Variants in SHKBP1 observed in about 807,000 individuals in gnomAD.
SHKBP1 encodes SH3KBP1 binding protein 1, also known as SH3KBP1-binding protein 1.
Under a neutral mutation model 83.9 loss-of-function variants are expected in SHKBP1, and 71 were observed. The observed-to-expected ratio is 0.85, with a 90% CI of 0.70 to 1.03. SHKBP1 has a LOEUF of 1.03. Among genes scored for constraint, SHKBP1 ranks in the 50% least tolerant of loss-of-function variants. The pLI, the probability that SHKBP1 is intolerant of heterozygous loss-of-function variation, is 0.00. For missense variants in SHKBP1, 824 were observed against 982.4 expected (o/e 0.84, Z 2.16); for synonymous variants, 371 against 398.0 (o/e 0.93, Z 0.81).
rs566920856 is a variant in SHKBP1, at chr19:40,577,097, C to A, written c.86+112C>A. The stretch of plus-strand genomic sequence containing the variant: ...ATCAAGGGTTGCTCCGCCCCCCCCC[C>A]CTTTGGAGGCGCGAGATTCTGGAAA... On this transcript the variant is annotated intron_variant, in intron 1 of 17. Coordinates refer to ENST00000291842, the MANE Select transcript of SHKBP1 (RefSeq NM_138392.4). The A allele has an allele frequency of 3.6e-4, 484 of 1,346,416 alleles. 2 individuals are homozygous for A. In the Middle Eastern group the frequency reaches 4.9e-3, roughly 14 times the overall value. 83.4% of individuals were successfully genotyped at this position (1,346,416 alleles called of 1,614,324 possible).
In SHKBP1 at chr19:40,591,349, C is replaced by G. The variant is rs2081359299; in HGVS notation, c.*142C>G. 1 of 683,578 alleles carries G rather than the reference C, an allele frequency of 1.5e-6. No homozygotes were observed. Among genetic ancestry groups the G allele is most frequent in the Non-Finnish European group, 2.3e-6 (1 of 437,546 alleles). 42.3% of individuals were successfully genotyped at this position (683,578 alleles called of 1,614,324 possible). A position where few individuals can be genotyped will look rare whatever the true frequency, so the allele number is the denominator to read the frequency against. ...TTGTTACTAGGTCCCCACCTTCCCT[C>G]TTTTCTGGAAGCCAAAGTCACCCTC... On this transcript the variant is annotated 3_prime_UTR_variant, in exon 18 of 18. Coordinates refer to ENST00000291842, the MANE Select transcript of SHKBP1 (RefSeq NM_138392.4).
chr19:40,586,358 T>C (rs543553626), intron 12 of SHKBP1, among the ~76,000 whole-genome samples: 2 of 149,852 alleles, frequency 1.3e-5, no homozygotes, highest in African/African-American at 4.9e-5. Flanking sequence ...TGTGTCTCTT[T>C]CTTTCTTTCT....
chr19:40,584,652 C>G (rs994988541), intron 12 of SHKBP1, among the ~76,000 whole-genome samples: 1 of 152,314 alleles, frequency 6.6e-6, no homozygotes, highest in East Asian at 1.9e-4. Context: ...GACAAGGTCT[C>G]GCTCTGCTGC....
At chr19:40,577,340 G>C in intron 2 of SHKBP1, 56 bp downstream of exon 2, 1 of 1,613,772 alleles carries the variant, frequency 6.2e-7, no homozygotes, top group Non-Finnish European at 8.5e-7. Context: ...GGGCGTGGGA[G>C]ACCTAATATC....
At position 40,590,303 on chromosome 19, in the gene SHKBP1, G is replaced by A. The variant is rs1450277322; in HGVS notation, c.1649G>A (p.Cys550Tyr). Residue 550 changes from cysteine (C) to tyrosine (Y), a missense_variant, in exon 16 of 18, where the codon TGC becomes TAC. Physicochemically the swap from Cys to Tyr is radical, Grantham distance 194. Coordinates refer to ENST00000291842, the MANE Select transcript of SHKBP1 (RefSeq NM_138392.4). The surrounding 1 kb of genome is among the most constrained non-coding windows in gnomAD (Gnocchi z 4.6). ...ACGACAGCCTTCACAGTGCTGGAGT[G>A]CGAGGGCTCCCGGCGGCTCGGCTCT... Reference protein sequence around the residue: ...SPTTAFTVLECEGSRRLGSRP... With the variant: ...SPTTAFTVLEYEGSRRLGSRP... 1 of 1,608,932 alleles carries A rather than the reference G, an allele frequency of 6.2e-7. No individual in the cohort carries two copies. The highest frequency in any genetic ancestry group is 8.5e-7 in the Non-Finnish European group (1 of 1,178,280).
intron 6 of SHKBP1, chr19:40,580,107 C>T (rs2081255390): frequency 2.2e-6 from 1 of 444,986 alleles, no homozygotes. Context: ...GCACTAAACT[C>T]AGTCTTCCTC....
Position 40,583,002 on chromosome 19 carries a change from A to G in SHKBP1, c.961-396A>G, listed in dbSNP as rs143027291. On this transcript the variant is annotated intron_variant, in intron 10 of 17. Transcript: ENST00000291842. ...AGAGAGATAAATGGAGATGAATTAG[A>G]GTCATGTCAGAAGTACATAGTGGAG... 3.3e-4 allele frequency among the ~76,000 whole-genome samples: 50 copies of G among 151,528 alleles called. 1 individual carries two copies. The East Asian group carries it at 9.0e-3, about 27-fold the overall frequency.
Position 40,591,309 on chromosome 19 carries a change from T to A in SHKBP1, c.*102T>A. 1.0e-6 allele frequency: 1 copy of A among 1,000,268 alleles called. No individual in the cohort carries two copies. The highest frequency in any genetic ancestry group is 1.4e-6 in the Non-Finnish European group (1 of 698,338). 62.0% of individuals were successfully genotyped at this position (1,000,268 alleles called of 1,614,324 possible). ...CCCGGGTTCAGGGCCAGGGCCTCCT[T>A]GGAATAAATGGTTATTGTTACTAGG... On this transcript the variant is annotated 3_prime_UTR_variant, in exon 18 of 18. Transcript: ENST00000291842.
intron 14 of SHKBP1, 24 bp from the exon 15 acceptor site, chr19:40,589,058 G>C (rs773269754): frequency 6.2e-7 from 1 of 1,607,016 alleles, no homozygotes; most frequent in Non-Finnish European, 8.5e-7. Flanking sequence ...AGCTGGCCCT[G>C]ACCCCTGCCC....
In SHKBP1 at chr19:40,590,268, C is replaced by T. The variant is rs1372898198; in HGVS notation, c.1614C>T (p.Asp538=). ...GQRVCSVRSV[D]GSPTTAFTVL... Reference sequence around the variant, plus strand: ...GGGTGTGCTCCGTGCGCTCCGTGGACGGCTCACCCACGACAGCCTTCACAG... The same window carrying T: ...GGGTGTGCTCCGTGCGCTCCGTGGATGGCTCACCCACGACAGCCTTCACAG... Residue 538 remains aspartate (D), a synonymous_variant, in exon 16 of 18, where the codon GAC becomes GAT. Coordinates refer to ENST00000291842, the MANE Select transcript of SHKBP1 (RefSeq NM_138392.4). This position sits in a 1 kb window ranked among gnomAD's most constrained non-coding sequence, Gnocchi z 4.6. The T allele has an allele frequency of 1.5e-5, 24 of 1,602,562 alleles. No individual in the cohort carries two copies. The highest frequency in any genetic ancestry group is 2.2e-5 in the South Asian group (2 of 89,428).
rs747487078 is a variant in SHKBP1, at chr19:40,580,909, C to T, written c.817C>T (p.Gln273Ter). Residue 273 changes from glutamine to a stop codon, truncating the protein, a stop_gained, in exon 9 of 18, where the codon CAG (glutamine) becomes TAG (stop). Transcript: ENST00000291842. LOFTEE classifies it high-confidence loss of function. Reference sequence around the variant, plus strand: ...CAGCGAGATCCTGCTATGGGCTCTGCAGGCGGAAGGCGGTGGCTCCGAGAT... The same window carrying T: ...CAGCGAGATCCTGCTATGGGCTCTGTAGGCGGAAGGCGGTGGCTCCGAGAT... ...TGSEILLWAL[Q>*]AEGGGSEIGV... 6.3e-6 allele frequency: 10 copies of T among 1,590,892 alleles called. No homozygotes were observed. In the South Asian group the frequency reaches 1.0e-4, roughly 16 times the overall value.
intron 3 of SHKBP1, 24 bp from the exon 4 acceptor site, chr19:40,577,533 A>G (rs368637047): frequency 9.9e-5 from 160 of 1,613,878 alleles, no homozygotes; most frequent in Non-Finnish European, 1.3e-4. Context: ...TACCCCATCC[A>G]TCCTCTGCCC....
intron 10 of SHKBP1, 39 bp downstream of exon 10, chr19:40,582,505 T>A: frequency 6.3e-7 from 1 of 1,576,562 alleles, no homozygotes; most frequent in South Asian, 1.1e-5. Flanking sequence ...CCTTCCCAGT[T>A]TTCCAGACTG....
At chr19:40,588,960 C>T in intron 14 of SHKBP1, 122 bp from the exon 15 acceptor site, 1 of 1,290,734 alleles carries the variant, frequency 7.7e-7, no homozygotes, top group South Asian at 1.3e-5. Context: ...CTGGCCCTGC[C>T]CAACTCTAAC....
chr19:40,588,170 C>G (rs1164102384), intron 13 of SHKBP1, among the ~76,000 whole-genome samples: 2 of 152,196 alleles, frequency 1.3e-5, no homozygotes, highest in African/African-American at 4.8e-5. Flanking sequence ...GTGCCTGGAA[C>G]AGAGTAAATG....
In SHKBP1 at chr19:40,580,676, C is replaced by T. The variant is rs377259661; in HGVS notation, c.653+20C>T. The T allele has an allele frequency of 6.8e-6, 11 of 1,613,974 alleles. No individual in the cohort carries two copies. Among genetic ancestry groups the T allele is most frequent in the Non-Finnish European group, 9.3e-6 (11 of 1,179,938 alleles). On this transcript the variant is annotated intron_variant, in intron 8 of 17. Coordinates refer to ENST00000291842, the MANE Select transcript of SHKBP1 (RefSeq NM_138392.4). The stretch of plus-strand genomic sequence containing the variant: ...CTACAGGTGCTTGGGGAGGGAGTGG[C>T]AGGAGGTCCCAGCCCTGTTGATGGG...
At chr19:40,582,549 A>G in intron 10 of SHKBP1, 83 bp downstream of exon 10, 1 of 1,065,406 alleles carries the variant, frequency 9.4e-7, no homozygotes, top group Non-Finnish European at 1.3e-6. Flanking sequence ...GTCTGCCCCC[A>G]CCCCCACCCC....
chr19:40,577,057 G>T, intron 1 of SHKBP1, 72 bp downstream of exon 1: 1 of 1,336,348 alleles, frequency 7.5e-7, no homozygotes. Context: ...GCCTCTCCTG[G>T]GGGAATCCCT....
intron 6 of SHKBP1, chr19:40,580,042 A>AAC (rs1568388593): frequency 3.7e-6 from 1 of 270,256 alleles, no homozygotes; most frequent in Non-Finnish European, 7.1e-6. Context: ...AAAAAAAAAA[A>AAC]AAAAAAAAAA....
Sources: gnomAD v4.1 joint callset for allele counts (sites outside exome capture counted in the v4.1 genomes callset) on GRCh38, gnomAD v4.1.1 for gene constraint, Gnocchi (gnomAD v3.1) non-coding constraint, MANE v1.5 for transcripts, NCBI Gene and HGNC (gene_info 2026-07-23, HGNC 2026-07-21) for gene names.